AKT3: variants seen among roughly 807,000 people sequenced by gnomAD.
AKT3 encodes the protein AKT serine/threonine kinase 3.
In AKT3, 15 loss-of-function variants were observed where a neutral mutation model predicts 65.3. That is an observed-to-expected ratio of 0.23 (90% CI 0.15 to 0.35). The LOEUF (loss-of-function observed/expected upper bound fraction) is 0.35, where lower values mean the gene tolerates loss of function less well. AKT3 is among the 10% of genes least tolerant of loss of function. The pLI is 1.00. For synonymous variants in AKT3, 206 were observed against 183.8 expected (o/e 1.12, Z -0.98); for missense variants, 243 against 576.5 (o/e 0.42, Z 5.92).
intron 2 of AKT3, among the ~76,000 whole-genome samples, chr1:243,834,433 G>A (rs529945515): frequency 1.8e-4 from 28 of 152,244 alleles, no homozygotes; most frequent in South Asian, 4.2e-4. Context: ...ATGTTCTCAC[G>A]TGTAAATGGG....
upstream of AKT3, among the ~76,000 whole-genome samples, chr1:243,850,423 C>G (rs1401735806): frequency 6.6e-6 from 1 of 151,146 alleles, no homozygotes; most frequent in African/African-American, 2.4e-5. Flanking sequence ...GAAAACACCG[C>G]TCGGGCGGGG....
Position 243,797,171 on chromosome 1 carries a change from T to A in AKT3, c.46+45954A>T, listed in dbSNP as rs539340783. Among the ~76,000 whole-genome samples, 120 of 148,118 alleles carry A rather than the reference T, an allele frequency of 8.1e-4. 3 individuals carry two copies. In the South Asian group the frequency reaches 0.011, roughly 14 times the overall value. ...TACTACAACCTAAAAAATACTTTTT[T>A]AAAAAAAAAAGCAAGATAAAAAATA... is the stretch of plus-strand genomic sequence containing the variant. On this transcript the variant is annotated intron_variant, in intron 2 of 13. Transcript: ENST00000673466.
At chr1:243,648,821 T>A (rs1391984338) in intron 4 of AKT3, among the ~76,000 whole-genome samples, 1 of 152,150 alleles carries the variant, frequency 6.6e-6, no homozygotes, top group Non-Finnish European at 1.5e-5. Flanking sequence ...CCTTTAACAA[T>A]ACCCCAAAAC....
chr1:243,648,821 T>C (rs1391984338), intron 4 of AKT3, among the ~76,000 whole-genome samples: 2 of 152,150 alleles, frequency 1.3e-5, no homozygotes, highest in African/African-American at 4.8e-5. Context: ...CCTTTAACAA[T>C]ACCCCAAAAC....
chr1:243,525,763 A>AAAAGAAAG (rs1156394636), intron 12 of AKT3, among the ~76,000 whole-genome samples: 83 of 28,616 alleles, frequency 2.9e-3, no homozygotes, highest in African/African-American at 0.011. Context: ...GACAACTTCC[A>AAAAGAAAG]AAAGTAAGAA....
chr1:243,499,700 C>A (rs368579841), downstream of AKT3: 4 of 1,368,586 alleles, frequency 2.9e-6, no homozygotes, highest in Admixed American at 3.4e-5. Context: ...AATGAGAAGA[C>A]AAATAACATT....
intron 8 of AKT3, among the ~76,000 whole-genome samples, chr1:243,593,587 T>C (rs1431351545): frequency 6.6e-6 from 1 of 152,150 alleles, no homozygotes; most frequent in Non-Finnish European, 1.5e-5. Context: ...CTTGGGAGGC[T>C]GAGGCAGGAG....
chr1:243,636,806 C>G (rs912599800), intron 6 of AKT3, among the ~76,000 whole-genome samples: 1 of 152,058 alleles, frequency 6.6e-6, no homozygotes, highest in African/African-American at 2.4e-5. Flanking sequence ...GATTCCAAAG[C>G]CAATGTTCTT....
At chr1:243,686,362 T>C (rs1026076865) in intron 3 of AKT3, among the ~76,000 whole-genome samples, 1 of 151,862 alleles carries the variant, frequency 6.6e-6, no homozygotes, top group African/African-American at 2.4e-5. Context: ...CCCTGACTAA[T>C]CAAAGTCCTA....
chr1:243,737,290 G>A (rs569762998), intron 2 of AKT3, among the ~76,000 whole-genome samples: 1 of 152,162 alleles, frequency 6.6e-6, no homozygotes, highest in African/African-American at 2.4e-5. Context: ...GTTGCTATGA[G>A]AATTAAATGA....
In AKT3 at chr1:243,618,190, T is replaced by A. The variant is rs578202577; in HGVS notation, c.562-3029A>T. 3.4e-4 allele frequency among the ~76,000 whole-genome samples: 52 copies of A among 152,184 alleles called. 1 individual carries two copies. Among genetic ancestry groups the A allele is most frequent in the African/African-American group, 1.2e-3 (48 of 41,540 alleles). ...ACTTTTCTACCCCCTAAATTTGTAATCTGACCACATCCAAGGAACCAAGTA... is the reference window on the plus strand; with the variant it reads ...ACTTTTCTACCCCCTAAATTTGTAAACTGACCACATCCAAGGAACCAAGTA... On this transcript the variant is annotated intron_variant, in intron 6 of 13. Coordinates refer to ENST00000673466, the MANE Select transcript of AKT3 (RefSeq NM_005465.7).
chr1:243,596,732 A>C (rs1676642488), intron 8 of AKT3, among the ~76,000 whole-genome samples: 1 of 152,238 alleles, frequency 6.6e-6, no homozygotes, highest in Non-Finnish European at 1.5e-5. Context: ...TATTAATTAA[A>C]GAGAAAAGAA....
At chr1:243,770,365 T>A (rs1411304757) in intron 2 of AKT3, among the ~76,000 whole-genome samples, 2 of 152,170 alleles carry the variant, frequency 1.3e-5, no homozygotes, top group Admixed American at 6.5e-5. Flanking sequence ...AGAGGTTAAC[T>A]GACTAACTCA....
chr1:243,776,811 T>A (rs914694867), intron 2 of AKT3, among the ~76,000 whole-genome samples: 1 of 152,174 alleles, frequency 6.6e-6, no homozygotes, highest in Non-Finnish European at 1.5e-5. Flanking sequence ...CCTAAATGTA[T>A]CATGAGTTGT....
intron 4 of AKT3, among the ~76,000 whole-genome samples, chr1:243,656,777 G>A (rs1681833036): frequency 6.6e-6 from 1 of 152,220 alleles, no homozygotes; most frequent in Admixed American, 6.5e-5. Flanking sequence ...GTATGTGAGT[G>A]TGAGTGTCGT....
chr1:243,594,933 GA>G (rs1558640715), intron 8 of AKT3, among the ~76,000 whole-genome samples: 1 of 151,794 alleles, frequency 6.6e-6, no homozygotes. Flanking sequence ...TCTGTAGGGG[GA>G]AAAAAATGAA....
chr1:243,823,209 C>A (rs571923012), intron 2 of AKT3, among the ~76,000 whole-genome samples: 1 of 152,050 alleles, frequency 6.6e-6, no homozygotes, highest in Non-Finnish European at 1.5e-5. Context: ...TCAGAAAAGG[C>A]CTTTAATAAA....
At chr1:243,602,136 C>A (rs778950573) in intron 8 of AKT3, among the ~76,000 whole-genome samples, 6 of 152,162 alleles carry the variant, frequency 3.9e-5, no homozygotes, top group African/African-American at 1.4e-4. Context: ...ATAACATCTC[C>A]TAATAACTAA....
At chr1:243,607,419 G>A (rs1424385246) in intron 8 of AKT3, among the ~76,000 whole-genome samples, 1 of 152,188 alleles carries the variant, frequency 6.6e-6, no homozygotes, top group East Asian at 1.9e-4. Flanking sequence ...GGAACTTTAA[G>A]GTTTAATGAC....
Sources: allele counts gnomAD v4.1 joint callset (sites outside exome capture counted in the v4.1 genomes callset), GRCh38; gene constraint gnomAD v4.1.1; transcripts MANE v1.5; gene names NCBI Gene and HGNC (gene_info 2026-07-23, HGNC 2026-07-21).